STAG1: variants seen among roughly 807,000 people sequenced by gnomAD.
STAG1 encodes the protein cohesin subunit SA-1.
STAG1 carries 26 observed loss-of-function variants against 170.9 expected under a neutral mutation model. The observed-to-expected ratio is 0.15, with a 90% confidence interval of 0.11 to 0.21. The LOEUF (loss-of-function observed/expected upper bound fraction) is 0.21. STAG1 is among the 10% of genes least tolerant of loss of function. The pLI is 1.00. For missense variants in STAG1, 964 were observed against 1,509.5 expected, an observed-to-expected ratio of 0.64 and a Z score of 5.99; for synonymous variants, 514 against 497.7, an observed-to-expected ratio of 1.03 and a Z score of -0.44.
intron 5 of STAG1, among the ~76,000 whole-genome samples, chr3:136,550,230 G>A (rs559521696): frequency 8.5e-5 from 13 of 152,050 alleles, no homozygotes; most frequent in African/African-American, 2.7e-4. Context: ...AATGTTTGGC[G>A]AAAGTCACCA....
intron 3 of STAG1, among the ~76,000 whole-genome samples, chr3:136,618,923 AG>A (rs1939717933): frequency 2.0e-5 from 3 of 152,190 alleles, no homozygotes; most frequent in Non-Finnish European, 2.9e-5. Context: ...TTAAAAAAAA[AG>A]TAACATCATG....
intron 4 of STAG1, among the ~76,000 whole-genome samples, chr3:136,582,049 T>C (rs1411182063): frequency 1.3e-5 from 2 of 152,184 alleles, no homozygotes; most frequent in Admixed American, 6.5e-5. Context: ...AAATTATACA[T>C]CTAAAAGGAA....
chr3:136,577,950 C>G (rs534976682), intron 4 of STAG1, among the ~76,000 whole-genome samples: 1 of 152,168 alleles, frequency 6.6e-6, no homozygotes, highest in Non-Finnish European at 1.5e-5. Context: ...GATTTAACAG[C>G]TGAGATACCA....
At chr3:136,467,286 T>G (rs1048425824) in intron 12 of STAG1, among the ~76,000 whole-genome samples, 2 of 151,960 alleles carry the variant, frequency 1.3e-5, no homozygotes, top group South Asian at 4.2e-4. Context: ...GAGACACACA[T>G]AGGCGCAAAA....
intron 6 of STAG1, among the ~76,000 whole-genome samples, chr3:136,525,914 G>C (rs1257934809): frequency 6.6e-6 from 1 of 152,208 alleles, no homozygotes; most frequent in Non-Finnish European, 1.5e-5. Flanking sequence ...TTTTGAGTGA[G>C]TTTCTTAATC....
At chr3:136,494,983 C>T (rs115832634) in intron 9 of STAG1, among the ~76,000 whole-genome samples, 1 of 152,058 alleles carries the variant, frequency 6.6e-6, no homozygotes, top group Non-Finnish European at 1.5e-5. Flanking sequence ...AAGATTTATA[C>T]AGAAATGCAA....
chr3:136,500,349 G>A (rs111377614), intron 8 of STAG1, 53 bp from the exon 9 acceptor site: 35 of 1,230,670 alleles, frequency 2.8e-5, no homozygotes, highest in African/African-American at 2.0e-4. Flanking sequence ...TATTTGGAAG[G>A]AACAGCTCCA....
At chr3:136,692,889 G>C (rs553832763) in intron 1 of STAG1, among the ~76,000 whole-genome samples, 2 of 152,272 alleles carry the variant, frequency 1.3e-5, no homozygotes, top group East Asian at 1.9e-4. Flanking sequence ...ATTTCAATTA[G>C]GGATGTATTA....
chr3:136,674,628 G>C (rs1381023469), intron 1 of STAG1, among the ~76,000 whole-genome samples: 1 of 152,100 alleles, frequency 6.6e-6, no homozygotes, highest in Non-Finnish European at 1.5e-5. Flanking sequence ...ACTTACAATG[G>C]ACACATTATC....
chr3:136,524,017 G>C (rs901396162), intron 6 of STAG1, among the ~76,000 whole-genome samples: 5 of 152,102 alleles, frequency 3.3e-5, no homozygotes, highest in Non-Finnish European at 5.9e-5. Flanking sequence ...ATAGTTTGAA[G>C]TCAGGTAGCA....
At chr3:136,491,925 G>C (rs1350417172) in intron 9 of STAG1, among the ~76,000 whole-genome samples, 1 of 152,142 alleles carries the variant, frequency 6.6e-6, no homozygotes, top group Non-Finnish European at 1.5e-5. Context: ...CCAGGAGGCG[G>C]GGGCTGGAAT....
At chr3:136,554,056 C>T (rs767347112) in intron 5 of STAG1, among the ~76,000 whole-genome samples, 4 of 151,654 alleles carry the variant, frequency 2.6e-5, no homozygotes, top group Admixed American at 6.6e-5. Context: ...AAATAGAACA[C>T]TAGAAAAACA....
chr3:136,645,482 C>T (rs1181096796), intron 1 of STAG1, among the ~76,000 whole-genome samples: 1 of 152,236 alleles, frequency 6.6e-6, no homozygotes, highest in East Asian at 1.9e-4. Flanking sequence ...CACTCTTCCT[C>T]TTCTTCCATA....
intron 22 of STAG1, among the ~76,000 whole-genome samples, chr3:136,398,178 C>T (rs955856594): frequency 6.6e-6 from 1 of 151,608 alleles, no homozygotes; most frequent in African/African-American, 2.4e-5. Flanking sequence ...AGAGCAGTGG[C>T]GTGATCTGAG....
chr3:136,417,235 T>C (rs1420137502), intron 21 of STAG1, among the ~76,000 whole-genome samples: 1 of 152,186 alleles, frequency 6.6e-6, no homozygotes, highest in African/African-American at 2.4e-5. Flanking sequence ...AAGCATTCTA[T>C]ACTACCAAAT....
intron 1 of STAG1, among the ~76,000 whole-genome samples, chr3:136,683,302 C>G (rs767271685): frequency 2.1e-4 from 31 of 150,932 alleles, no homozygotes; most frequent in South Asian, 4.2e-4. Flanking sequence ...CTGGCTCTGT[C>G]TCCCAGGCTG....
chr3:136,454,838 T>C (rs1176113737), intron 13 of STAG1, among the ~76,000 whole-genome samples: 7 of 152,224 alleles, frequency 4.6e-5, no homozygotes, highest in African/African-American at 1.2e-4. Flanking sequence ...ATATTGTGAA[T>C]AGCTTATGAC....
chr3:136,695,399 T>C (rs1273295379), intron 1 of STAG1, among the ~76,000 whole-genome samples: 2 of 150,184 alleles, frequency 1.3e-5, no homozygotes, highest in East Asian at 2.0e-4. Context: ...ATTGCACCAC[T>C]GCACTCCAGC....
chr3:136,652,710 A>C (rs1941257013), intron 1 of STAG1, among the ~76,000 whole-genome samples: 1 of 152,220 alleles, frequency 6.6e-6, no homozygotes, highest in Non-Finnish European at 1.5e-5. Flanking sequence ...AACAGAAAAA[A>C]TCTGTTAACA....
Sources: allele counts gnomAD v4.1 joint callset (sites outside exome capture counted in the v4.1 genomes callset), GRCh38; gene constraint gnomAD v4.1.1; transcripts MANE v1.5; gene names NCBI Gene and HGNC (gene_info 2026-07-23, HGNC 2026-07-21).